NEO1: variants seen among roughly 807,000 people sequenced by gnomAD.
The protein encoded by NEO1 is neogenin.
NEO1 carries 63 observed loss-of-function variants against 159.7 expected under a neutral mutation model. That is an observed-to-expected ratio of 0.39 (90% CI 0.32 to 0.49). The LOEUF (loss-of-function observed/expected upper bound fraction) is 0.49, where lower values mean the gene tolerates loss of function less well. NEO1 is among the 20% of genes least tolerant of loss of function. The pLI is 0.85. For missense variants in NEO1, 1,615 were observed against 1,831.0 expected (o/e 0.88, Z 2.15); for synonymous variants, 633 against 662.0 (o/e 0.96, Z 0.67).
At chr15:73,171,043 A>G (rs1382287282) in intron 5 of NEO1, among the ~76,000 whole-genome samples, 2 of 152,146 alleles carry the variant, frequency 1.3e-5, no homozygotes, top group Non-Finnish European at 2.9e-5. Context: ...AGGGTTCTAC[A>G]TTTAACTGTG....
intron 8 of NEO1, 30 bp downstream of exon 8, chr15:73,236,536 G>T (rs1418955400): frequency 6.2e-7 from 1 of 1,606,256 alleles, no homozygotes; most frequent in African/African-American, 1.3e-5. Context: ...CAGCCAGTTG[G>T]CTGCCTCTTG....
chr15:73,051,709 AGG>A (rs1205282431), upstream of NEO1: 1 of 151,488 alleles, frequency 6.6e-6, no homozygotes, highest in Non-Finnish European at 1.5e-5. Flanking sequence ...TGGGAGCCGG[AGG>A]TCAGCGGCTG....
At chr15:73,178,811 AAAT>A (rs1596270215) in intron 7 of NEO1, among the ~76,000 whole-genome samples, 2 of 152,176 alleles carry the variant, frequency 1.3e-5, no homozygotes, top group African/African-American at 4.8e-5. Context: ...TGAGAAAACT[AAAT>A]AACTTTGGAA....
At position 73,086,371 on chromosome 15, in the gene NEO1, A is replaced by G. The variant is rs915995875; in HGVS notation, c.131-30169A>G. 3.5e-4 allele frequency among the ~76,000 whole-genome samples: 53 copies of G among 152,082 alleles called. 1 individual carries two copies. Among genetic ancestry groups the G allele is most frequent in the Admixed American group, 1.9e-3 (29 of 15,250 alleles). ...CAAGTTGGGTAGTTTGAATCCTTCA[A>G]TTTTGTTTTTCTTTTCTGAAATTGT... On this transcript the variant is annotated intron_variant, in intron 1 of 28. Coordinates refer to ENST00000261908, the MANE Select transcript of NEO1 (RefSeq NM_002499.4).
chr15:73,249,288 G>A (rs1027546513), intron 10 of NEO1, 80 bp downstream of exon 10: 2 of 1,432,584 alleles, frequency 1.4e-6, no homozygotes, highest in African/African-American at 1.4e-5. Context: ...GTAGTTGCTT[G>A]ACTGGAAATG....
chr15:73,186,712 A>G (rs2035951812), intron 7 of NEO1, among the ~76,000 whole-genome samples: 1 of 152,140 alleles, frequency 6.6e-6, no homozygotes, highest in South Asian at 2.1e-4. Flanking sequence ...TTCAAGATAA[A>G]GTGAATTTTA....
At chr15:73,085,977 G>C (rs535392592) in intron 1 of NEO1, among the ~76,000 whole-genome samples, 1 of 152,114 alleles carries the variant, frequency 6.6e-6, no homozygotes, top group Non-Finnish European at 1.5e-5. Flanking sequence ...TTTCTTTTAT[G>C]AATTATGTTT....
chr15:73,222,091 A>ATTTTTTTTTTTTTTTTTTTTTTTTT lies in NEO1; in HGVS notation c.1292-14249_1292-14225dup, dbSNP rs71137336. 3.8e-5 allele frequency: 2 copies of ATTTTTTTTTTTTTTTTTTTTTTTTT among 53,050 alleles called. 1 individual carries two copies. Among genetic ancestry groups the ATTTTTTTTTTTTTTTTTTTTTTTTT allele is most frequent in the Non-Finnish European group, 6.7e-5 (2 of 30,000 alleles). 3.3% of individuals were successfully genotyped at this position (53,050 alleles called of 1,614,324 possible). ...ATCTTCACTCCTCCCCCTGTTGGTA[A>ATTTTTTTTTTTTTTTTTTTTTTTTT]TTTTTTTTTTTTTTTTTTTTTTTTT... On this transcript the variant is annotated intron_variant, in intron 7 of 28. Coordinates refer to ENST00000261908, the MANE Select transcript of NEO1 (RefSeq NM_002499.4).
At chr15:73,301,549 C>T (rs1377909347) in intron 28 of NEO1, 92 bp downstream of exon 28, 1 of 1,533,876 alleles carries the variant, frequency 6.5e-7, no homozygotes, top group Non-Finnish European at 8.9e-7. Context: ...CTGTGCATAC[C>T]AGGCCCGCCA....
chr15:73,209,907 G>T (rs535693021), intron 7 of NEO1, among the ~76,000 whole-genome samples: 26 of 152,124 alleles, frequency 1.7e-4, no homozygotes, highest in Non-Finnish European at 3.5e-4. Flanking sequence ...GGAGGCTGAG[G>T]CAGGAAAATC....
At chr15:73,097,134 A>G (rs898920129) in intron 1 of NEO1, among the ~76,000 whole-genome samples, 2 of 152,108 alleles carry the variant, frequency 1.3e-5, no homozygotes, top group African/African-American at 2.4e-5. Flanking sequence ...TCAAAAAAAC[A>G]ATTAATAATA....
At chr15:73,188,164 C>A (rs1232283425) in intron 7 of NEO1, among the ~76,000 whole-genome samples, 2 of 151,788 alleles carry the variant, frequency 1.3e-5, no homozygotes, top group Admixed American at 6.6e-5. Context: ...TATCTGGTGG[C>A]TTTTCTAAAT....
At chr15:73,184,461 G>A (rs1408850801) in intron 7 of NEO1, among the ~76,000 whole-genome samples, 1 of 152,214 alleles carries the variant, frequency 6.6e-6, no homozygotes, top group African/African-American at 2.4e-5. Flanking sequence ...TGATCCAGCA[G>A]TTGCACTTCT....
intron 1 of NEO1, among the ~76,000 whole-genome samples, chr15:73,079,625 C>T (rs1446611926): frequency 6.6e-6 from 1 of 152,000 alleles, no homozygotes. Flanking sequence ...TTTTTTCACT[C>T]GGATACATAG....
chr15:73,126,145 T>C (rs936752678), intron 3 of NEO1, among the ~76,000 whole-genome samples: 2 of 152,212 alleles, frequency 1.3e-5, no homozygotes, highest in African/African-American at 4.8e-5. Flanking sequence ...AATTTTTGTA[T>C]CACTTTTGCT....
Position 73,274,736 on chromosome 15 carries a change from G to A in NEO1, c.3193+12G>A. 1 of 1,610,738 alleles carries A rather than the reference G, an allele frequency of 6.2e-7. No homozygotes were observed. The highest frequency in any genetic ancestry group is 1.7e-4 in the Middle Eastern group (1 of 6,048). On this transcript the variant is annotated intron_variant, in intron 21 of 28. Transcript: ENST00000261908. ...GCCTAATGATCAAGGTAAATGAGTAGATGGCCTCTCTTTTCTTTCCTTTCT... is the reference window on the plus strand; with the variant it reads ...GCCTAATGATCAAGGTAAATGAGTAAATGGCCTCTCTTTTCTTTCCTTTCT...
At chr15:73,112,523 A>G (rs184124000) in intron 1 of NEO1, among the ~76,000 whole-genome samples, 137 of 152,244 alleles carry the variant, frequency 9.0e-4, no homozygotes, top group African/African-American at 3.1e-3. Flanking sequence ...CTCCAGGATT[A>G]TCCTTGTATT....
At chr15:73,096,025 T>TA (rs200325745) in intron 1 of NEO1, among the ~76,000 whole-genome samples, 1,795 of 152,280 alleles carry the variant, frequency 0.012, 18 homozygotes, top group Non-Finnish European at 0.019. Flanking sequence ...TATTGATGCT[T>TA]ACGAAAAGTT....
chr15:73,220,215 T>G (rs1240877201), intron 7 of NEO1, among the ~76,000 whole-genome samples: 3 of 152,226 alleles, frequency 2.0e-5, no homozygotes, highest in African/African-American at 7.2e-5. Context: ...AATTCTGGGT[T>G]GAAAATTCTT....
Sources: allele counts gnomAD v4.1 joint callset (sites outside exome capture counted in the v4.1 genomes callset), GRCh38; gene constraint gnomAD v4.1.1; transcripts MANE v1.5; gene names NCBI Gene and HGNC (gene_info 2026-07-23, HGNC 2026-07-21).